Variants in LRP1B observed in about 807,000 individuals in gnomAD.
LRP1B encodes low-density lipoprotein receptor-related protein 1B.
In LRP1B, 217 loss-of-function variants were observed where a neutral mutation model predicts 556.6. The ratio of observed to expected loss-of-function variants is 0.39; its 90% CI spans 0.35 to 0.44. The LOEUF is 0.44. Among genes scored for constraint, LRP1B ranks in the 20% least tolerant of loss-of-function variants. LRP1B has a pLI of 1.00. For missense variants in LRP1B, 5,053 were observed against 5,620.8 expected (o/e 0.90, Z 3.23); for synonymous variants, 2,047 against 1,865.8 (o/e 1.10, Z -2.50).
chr2:140,256,804 A>G (rs1280650345), intron 86 of LRP1B, among the ~76,000 whole-genome samples: 1 of 151,836 alleles, frequency 6.6e-6, no homozygotes, highest in Non-Finnish European at 1.5e-5. Context: ...AACTCAGCAA[A>G]AAAATTTTTT....
At chr2:141,463,022 C>T (rs1050567575) in intron 3 of LRP1B, among the ~76,000 whole-genome samples, 4 of 152,182 alleles carry the variant, frequency 2.6e-5, no homozygotes, top group Middle Eastern at 3.4e-3. Flanking sequence ...TGGGTCAGTG[C>T]TAAGGAAATA....
At chr2:141,305,415 G>C (rs528157163) in intron 3 of LRP1B, among the ~76,000 whole-genome samples, 1 of 152,146 alleles carries the variant, frequency 6.6e-6, no homozygotes, top group Non-Finnish European at 1.5e-5. Flanking sequence ...ATACAGAATT[G>C]TTATTGATTT....
At chr2:140,467,476 G>C (rs948831935) in intron 60 of LRP1B, among the ~76,000 whole-genome samples, 1 of 151,804 alleles carries the variant, frequency 6.6e-6, no homozygotes, top group African/African-American at 2.4e-5. Context: ...GCTGGGCCTG[G>C]TGGCAGGTGC....
chr2:140,494,096 A>G (rs549767013), intron 56 of LRP1B, among the ~76,000 whole-genome samples: 2 of 152,328 alleles, frequency 1.3e-5, no homozygotes, highest in East Asian at 3.9e-4. Flanking sequence ...GTAGTGCAAG[A>G]TTTATGCTTT....
rs781623071 is a variant in LRP1B, at chr2:141,193,096, G to T, written c.851-4513C>A. 3.9e-5 allele frequency among the ~76,000 whole-genome samples: 6 copies of T among 152,082 alleles called. No homozygotes were observed. The South Asian group carries it at 8.3e-4, about 21-fold the overall frequency. Reference sequence around the variant, plus strand: ...GTCAAAAAATAACAGATGCTGGCAAGGTTGCAGAGAAAAGGGAACACTTAC... The same window carrying T: ...GTCAAAAAATAACAGATGCTGGCAATGTTGCAGAGAAAAGGGAACACTTAC... On this transcript the variant is annotated intron_variant, in intron 6 of 90. Coordinates refer to ENST00000389484, the MANE Select transcript of LRP1B (RefSeq NM_018557.3).
At chr2:141,291,274 C>T (rs1210577037) in intron 3 of LRP1B, among the ~76,000 whole-genome samples, 1 of 151,942 alleles carries the variant, frequency 6.6e-6, no homozygotes, top group Non-Finnish European at 1.5e-5. Context: ...AGATATTTTG[C>T]TTTTACTAAT....
At chr2:140,335,896 T>A (rs2105087588) in intron 77 of LRP1B, 58 bp from the exon 78 acceptor site, 1 of 1,065,278 alleles carries the variant, frequency 9.4e-7, no homozygotes, top group Non-Finnish European at 1.5e-6. Context: ...AGCGGAGTTT[T>A]CTGTATCTTT....
At chr2:140,331,000 T>C (rs887011210) in intron 79 of LRP1B, among the ~76,000 whole-genome samples, 3 of 152,030 alleles carry the variant, frequency 2.0e-5, no homozygotes, top group African/African-American at 7.2e-5. Flanking sequence ...AATAATCTAA[T>C]AGTACTTCAT....
At chr2:141,256,301 C>G (rs62172883) in intron 3 of LRP1B, among the ~76,000 whole-genome samples, 9,614 of 151,758 alleles carry the variant, frequency 0.063, 409 homozygotes, top group South Asian at 0.11. Context: ...ATAGAAAGAC[C>G]TGAAAGCATG....
rs149307629 is a variant in LRP1B, at chr2:141,728,979, G to A, written c.205+81300C>T. ...GGAGTGCTGTGTCTGCCAACAGGTG[G>A]CCAGACACTAGATCAGTCTCTCTCA... On this transcript the variant is annotated intron_variant, in intron 2 of 90. Transcript: ENST00000389484. 2.7e-4 allele frequency among the ~76,000 whole-genome samples: 41 copies of A among 152,226 alleles called. 1 individual carries two copies. The highest frequency in any genetic ancestry group is 5.1e-4 in the Non-Finnish European group (35 of 68,004).
chr2:141,680,523 CA>C (rs964696871), intron 2 of LRP1B, among the ~76,000 whole-genome samples: 8 of 152,110 alleles, frequency 5.3e-5, no homozygotes, highest in Non-Finnish European at 8.8e-5. Context: ...ATTACCAGGG[CA>C]TACATTTCTC....
chr2:140,669,323 C>T (rs1685399291), intron 41 of LRP1B, among the ~76,000 whole-genome samples: 1 of 151,814 alleles, frequency 6.6e-6, no homozygotes, highest in African/African-American at 2.4e-5. Flanking sequence ...GTTAATAATC[C>T]AACTTTATTC....
At chr2:141,767,111 G>A (rs951646988) in intron 2 of LRP1B, among the ~76,000 whole-genome samples, 12 of 151,996 alleles carry the variant, frequency 7.9e-5, no homozygotes, top group African/African-American at 1.9e-4. Flanking sequence ...GCAAAAAGCC[G>A]TGATAGAACA....
At chr2:142,068,973 G>A (rs1705211869) in intron 1 of LRP1B, among the ~76,000 whole-genome samples, 1 of 151,390 alleles carries the variant, frequency 6.6e-6, no homozygotes, top group South Asian at 2.1e-4. Flanking sequence ...GAATGAATAT[G>A]TTGAGAAAAT....
chr2:141,845,074 G>A (rs1426932334), intron 1 of LRP1B, among the ~76,000 whole-genome samples: 1 of 151,074 alleles, frequency 6.6e-6, no homozygotes, highest in African/African-American at 2.4e-5. Flanking sequence ...ATCTTAATAG[G>A]TGGCAAATGA....
intron 3 of LRP1B, among the ~76,000 whole-genome samples, chr2:141,426,542 T>C (rs543455301): frequency 1.1e-3 from 165 of 151,732 alleles, no homozygotes; most frequent in African/African-American, 3.4e-3. Flanking sequence ...TTCTTTGAAA[T>C]GACAAAGAAA....
chr2:140,737,755 G>C (rs767630512), intron 35 of LRP1B, among the ~76,000 whole-genome samples: 2 of 152,218 alleles, frequency 1.3e-5, no homozygotes, highest in African/African-American at 4.8e-5. Flanking sequence ...TGCAGGAGTA[G>C]TGGTTCCTAT....
intron 11 of LRP1B, among the ~76,000 whole-genome samples, chr2:141,026,249 C>T (rs533542125): frequency 2.0e-5 from 3 of 152,152 alleles, no homozygotes; most frequent in South Asian, 4.2e-4. Flanking sequence ...AAAGTCTACC[C>T]TATTAGTAGT....
At chr2:141,536,725 T>C (rs559020908) in intron 2 of LRP1B, among the ~76,000 whole-genome samples, 7 of 152,008 alleles carry the variant, frequency 4.6e-5, no homozygotes, top group Non-Finnish European at 1.0e-4. Flanking sequence ...TGACCAACAC[T>C]ATAACAAAAT....
Sources: allele counts gnomAD v4.1 joint callset (sites outside exome capture counted in the v4.1 genomes callset), GRCh38; gene constraint gnomAD v4.1.1; transcripts MANE v1.5; gene names NCBI Gene and HGNC (gene_info 2026-07-23, HGNC 2026-07-21).